STRBP: variants seen among roughly 807,000 people sequenced by gnomAD.
STRBP encodes spermatid perinuclear RNA-binding protein.
A neutral mutation model predicts 80.1 loss-of-function variants in STRBP; 13 were observed. The ratio of observed to expected loss-of-function variants is 0.16; its 90% CI spans 0.11 to 0.26. The LOEUF (loss-of-function observed/expected upper bound fraction) is 0.26, where lower values mean the gene tolerates loss of function less well. STRBP is among the 10% of genes least tolerant of loss of function. STRBP has a pLI of 1.00. For missense variants in STRBP, 485 were observed against 815.2 expected, an observed-to-expected ratio of 0.59 and a Z score of 4.93; for synonymous variants, 284 against 291.2, an observed-to-expected ratio of 0.98 and a Z score of 0.25.
intron 13 of STRBP, 74 bp from the exon 14 acceptor site, chr9:123,139,761 A>G: frequency 1.3e-6 from 2 of 1,483,570 alleles, no homozygotes; most frequent in Non-Finnish European, 1.8e-6. Context: ...ATTGAGAACA[A>G]AAGTTTCAAA....
At chr9:123,142,126 C>T (rs2036614359) in intron 13 of STRBP, among the ~76,000 whole-genome samples, 1 of 152,282 alleles carries the variant, frequency 6.6e-6, no homozygotes, top group South Asian at 2.1e-4. Context: ...TGGTTTGTGT[C>T]CCCACCCAAA....
chr9:123,221,714 C>A (rs2132556100), intron 2 of STRBP, among the ~76,000 whole-genome samples: 1 of 152,302 alleles, frequency 6.6e-6, no homozygotes, highest in Non-Finnish European at 1.5e-5. Flanking sequence ...TCTGATTTCT[C>A]TGATTGTTTC....
chr9:123,185,839 T>A (rs2038675067), intron 2 of STRBP, among the ~76,000 whole-genome samples: 1 of 151,970 alleles, frequency 6.6e-6, no homozygotes, highest in South Asian at 2.1e-4. Flanking sequence ...ATGGTGAAAC[T>A]AACAATACAA....
At chr9:123,208,448 G>C (rs1293924424) in intron 2 of STRBP, among the ~76,000 whole-genome samples, 7 of 151,968 alleles carry the variant, frequency 4.6e-5, no homozygotes, top group Non-Finnish European at 5.9e-5. Context: ...TTGTTAAGAG[G>C]GTCCTAGAGT....
chr9:123,133,548 T>TC (rs2036230641), intron 16 of STRBP, among the ~76,000 whole-genome samples: 1 of 151,988 alleles, frequency 6.6e-6, no homozygotes, highest in African/African-American at 2.4e-5. Context: ...TTTTTTGGTT[T>TC]TTTTTTTTGA....
intron 11 of STRBP, among the ~76,000 whole-genome samples, chr9:123,153,262 C>T (rs1265950886): frequency 6.6e-6 from 1 of 151,364 alleles, no homozygotes; most frequent in East Asian, 1.9e-4. Context: ...ATGATCTGGG[C>T]TCACTGCAAC....
At position 123,122,351 on chromosome 9, in the gene STRBP, C is replaced by G. The variant is rs2035758470; in HGVS notation, c.*3246G>C. 7.8e-7 allele frequency: 1 copy of G among 1,287,102 alleles called. No homozygotes were observed. Among genetic ancestry groups the G allele is most frequent in the African/African-American group, 1.5e-5 (1 of 65,432 alleles). The allele number at this position is 1,287,102 out of a possible 1,614,324, so 79.7% of individuals were successfully genotyped here. On this transcript the variant is annotated 3_prime_UTR_variant, in exon 19 of 19. Transcript: ENST00000348403. ...CCTGAAATACACAGAGGGTCCAACA[C>G]CAGTTTTAAAAATACATTAACGAGG...
In STRBP at chr9:123,207,138, C is replaced by T. The variant is rs1346207941; in HGVS notation, c.-164-22840G>A. Among the ~76,000 whole-genome samples, 4 of 152,160 alleles carry T rather than the reference C, an allele frequency of 2.6e-5. 1 individual carries two copies. The highest frequency in any genetic ancestry group is 4.1e-4 in the South Asian group (2 of 4,824). ...GGAGCAATTTAATAGTAACTGATAA[C>T]GTCAAAGATGCGGATACCCTATAAG... On this transcript the variant is annotated intron_variant, in intron 2 of 18. Transcript: ENST00000348403.
chr9:123,255,422 C>T (rs1456032469), intron 1 of STRBP, among the ~76,000 whole-genome samples: 2 of 152,194 alleles, frequency 1.3e-5, no homozygotes, highest in Non-Finnish European at 2.9e-5. Flanking sequence ...GAACACTCAA[C>T]TGCTCATCTG....
At chr9:123,242,479 CA>C (rs1462927423) in intron 1 of STRBP, among the ~76,000 whole-genome samples, 1 of 152,048 alleles carries the variant, frequency 6.6e-6, no homozygotes, top group Non-Finnish European at 1.5e-5. Context: ...GCCAACATGG[CA>C]AAACCCCGTC....
In STRBP at chr9:123,124,124, G is replaced by A. The variant is rs556092489; in HGVS notation, c.*1473C>T. 10 of 985,338 alleles carry A rather than the reference G, an allele frequency of 1.0e-5. No homozygotes were observed. In the East Asian group the frequency reaches 3.4e-4, roughly 34 times the overall value. The allele number at this position is 985,338 out of a possible 1,614,324, so 61.0% of individuals were successfully genotyped here. On this transcript the variant is annotated 3_prime_UTR_variant, in exon 19 of 19. Coordinates refer to ENST00000348403, the MANE Select transcript of STRBP (RefSeq NM_018387.5). ...CATTTCACCTTTATTTAGTGGTCCCGAAGGAATTTGGTACATACATTTGCC... is the reference window on the plus strand; with the variant it reads ...CATTTCACCTTTATTTAGTGGTCCCAAAGGAATTTGGTACATACATTTGCC...
intron 3 of STRBP, among the ~76,000 whole-genome samples, chr9:123,181,498 A>C (rs2132457554): frequency 6.6e-6 from 1 of 152,344 alleles, no homozygotes; most frequent in South Asian, 2.1e-4. Context: ...AATAAGCACC[A>C]TGAAACAACA....
Position 123,125,633 on chromosome 9 carries a change from A to G in STRBP, c.1983T>C (p.Phe661=). The change falls in exon 19 of 19, where the codon TTT becomes TTC. Residue 661 remains phenylalanine, a synonymous_variant. Coordinates refer to ENST00000348403, the MANE Select transcript of STRBP (RefSeq NM_018387.5). ...AGTAGTGGGGAACAGGATATGTTGG[A>G]AATTTCATAACGGGTAACAGAACCA... ...KRMVLLPVMK[F]PTYPVPHYSF... is the part of the protein sequence containing the mutation. 1 of 1,613,658 alleles carries G rather than the reference A, an allele frequency of 6.2e-7. No homozygotes were observed. The highest frequency in any genetic ancestry group is 8.5e-7 in the Non-Finnish European group (1 of 1,179,800).
intron 2 of STRBP, among the ~76,000 whole-genome samples, chr9:123,218,355 CTTTTTTT>C (rs10689260): frequency 3.1e-4 from 32 of 102,436 alleles, no homozygotes; most frequent in Admixed American, 7.2e-4. Context: ...TTAAATATGA[CTTTTTTT>C]TTTTTTTTTT....
chr9:123,135,109 A>G (rs1248445683), intron 16 of STRBP, among the ~76,000 whole-genome samples: 2 of 152,214 alleles, frequency 1.3e-5, no homozygotes, highest in Admixed American at 6.5e-5. Context: ...TTCTAGAAGG[A>G]ACCCCCACCA....
chr9:123,153,191 AT>A lies in STRBP; in HGVS notation c.1045+4820del, dbSNP rs781272627. Among the ~76,000 whole-genome samples the A allele has an allele frequency of 4.8e-3, 678 of 140,920 alleles. 2 individuals carry two copies. Among genetic ancestry groups the A allele is most frequent in the African/African-American group, 0.012 (470 of 38,484 alleles). 92.4% of individuals were successfully genotyped at this position (140,920 alleles called of 152,430 possible). ...AGCGAAGAAGCTAAATTCTAGACTC[AT>A]TTTTTTTTTTTTTTCTGAGACAGAG... On this transcript the variant is annotated intron_variant, in intron 11 of 18. Coordinates refer to ENST00000348403, the MANE Select transcript of STRBP (RefSeq NM_018387.5).
intron 1 of STRBP, among the ~76,000 whole-genome samples, chr9:123,250,484 A>T (rs769326373): frequency 6.6e-6 from 1 of 152,152 alleles, no homozygotes; most frequent in African/African-American, 2.4e-5. Flanking sequence ...GTCCTCGATA[A>T]TGTTTAAGAT....
intron 2 of STRBP, among the ~76,000 whole-genome samples, chr9:123,230,805 T>G (rs564904707): frequency 1.3e-3 from 198 of 152,338 alleles, no homozygotes; most frequent in African/African-American, 4.6e-3. Context: ...AGCTTGTGTC[T>G]TCCACATACT....
intron 2 of STRBP, among the ~76,000 whole-genome samples, chr9:123,192,505 T>A (rs143662310): frequency 6.6e-6 from 1 of 152,102 alleles, no homozygotes; most frequent in Non-Finnish European, 1.5e-5. Context: ...GAGGCTGAAG[T>A]AGGAGGATCA....
Sources: gnomAD v4.1 joint callset for allele counts (sites outside exome capture counted in the v4.1 genomes callset) on GRCh38, gnomAD v4.1.1 for gene constraint, MANE v1.5 for transcripts, NCBI Gene and HGNC (gene_info 2026-07-23, HGNC 2026-07-21) for gene names.